Variants in SND1 observed in about 807,000 individuals in gnomAD.
SND1 encodes the protein staphylococcal nuclease and tudor domain containing 1.
Under a neutral mutation model 121.7 loss-of-function variants are expected in SND1, and 38 were observed. The observed-to-expected ratio is 0.31, with a 90% CI of 0.24 to 0.41. The LOEUF is 0.41. Among genes scored for constraint, SND1 ranks in the 10% least tolerant of loss-of-function variants. SND1 has a pLI of 1.00. For synonymous variants in SND1, 401 were observed against 447.4 expected, an observed-to-expected ratio of 0.90 and a Z score of 1.31; for missense variants, 868 against 1,184.6, an observed-to-expected ratio of 0.73 and a Z score of 3.92.
intron 1 of SND1, among the ~76,000 whole-genome samples, chr7:127,683,914 C>A (rs1795770403): frequency 6.6e-6 from 1 of 152,202 alleles, no homozygotes; most frequent in South Asian, 2.1e-4. Context: ...GTTCTGACAG[C>A]AGCCTTTAGC....
rs116000874 is a variant in SND1, at chr7:127,877,978, T to A, written c.1344-9924T>A. ...TGGAATGACTTTTTTCTCCCCGTTC[T>A]CTCTCCTCCTTCTTCTCTTTCCCCT... On this transcript the variant is annotated intron_variant, in intron 12 of 23. Coordinates refer to ENST00000354725, the MANE Select transcript of SND1 (RefSeq NM_014390.4). Among the ~76,000 whole-genome samples, 94 of 152,222 alleles carry A rather than the reference T, an allele frequency of 6.2e-4. 1 individual carries two copies. The highest frequency in any genetic ancestry group is 2.2e-3 in the African/African-American group (90 of 41,566).
chr7:127,817,668 T>C lies in SND1; in HGVS notation c.1242+10095T>C, dbSNP rs1584595175. On this transcript the variant is annotated intron_variant, in intron 11 of 23. Coordinates refer to ENST00000354725, the MANE Select transcript of SND1 (RefSeq NM_014390.4). ...GTCCACATAATATGTCACAAAGAAC[T>C]TCTCACCATTCCATGGACATGCCAA... is the stretch of plus-strand genomic sequence containing the variant. Among the ~76,000 whole-genome samples the C allele has an allele frequency of 2.6e-5, 4 of 151,922 alleles. No individual in the cohort carries two copies. In the South Asian group the frequency reaches 8.3e-4, roughly 32 times the overall value.
intron 16 of SND1, among the ~76,000 whole-genome samples, chr7:128,016,331 C>A (rs1803224493): frequency 6.6e-6 from 1 of 151,898 alleles, no homozygotes; most frequent in Admixed American, 6.6e-5. Flanking sequence ...ATATTATGGA[C>A]TTTCTATACA....
At chr7:127,825,003 A>T (rs987885676) in intron 11 of SND1, among the ~76,000 whole-genome samples, 4 of 152,244 alleles carry the variant, frequency 2.6e-5, no homozygotes, top group Admixed American at 2.6e-4. Flanking sequence ...TGGGTTGATT[A>T]CAAGCCAGCT....
intron 1 of SND1, among the ~76,000 whole-genome samples, chr7:127,653,311 C>A (rs1795154839): frequency 6.6e-6 from 1 of 152,156 alleles, no homozygotes; most frequent in Admixed American, 6.5e-5. Context: ...TTATCACTTG[C>A]CCCCAGTTGT....
At chr7:127,871,427 A>G (rs1048209672) in intron 12 of SND1, among the ~76,000 whole-genome samples, 1 of 152,166 alleles carries the variant, frequency 6.6e-6, no homozygotes, top group African/African-American at 2.4e-5. Context: ...TGAGTAATGC[A>G]TTGTGCTGCA....
At chr7:127,684,014 T>C (rs1013707256) in intron 1 of SND1, among the ~76,000 whole-genome samples, 5 of 152,186 alleles carry the variant, frequency 3.3e-5, no homozygotes, top group Admixed American at 3.3e-4. Context: ...GCCAGGATAA[T>C]AGTTGTAGAT....
At chr7:127,764,672 C>T (rs1433164664) in intron 10 of SND1, among the ~76,000 whole-genome samples, 1 of 152,148 alleles carries the variant, frequency 6.6e-6, no homozygotes, top group Non-Finnish European at 1.5e-5. Flanking sequence ...TTAAATTTCC[C>T]ATTTGCATTT....
intron 1 of SND1, among the ~76,000 whole-genome samples, chr7:127,676,715 G>A (rs564600235): frequency 1.3e-5 from 2 of 152,170 alleles, no homozygotes; most frequent in South Asian, 4.1e-4. Flanking sequence ...TCAGTGGTGA[G>A]AGAATTTCTG....
intron 15 of SND1, among the ~76,000 whole-genome samples, chr7:127,971,111 A>C (rs1366401535): frequency 1.3e-5 from 2 of 152,186 alleles, no homozygotes; most frequent in Non-Finnish European, 2.9e-5. Context: ...TCCCAGCCCC[A>C]AGCCACCCTT....
intron 12 of SND1, among the ~76,000 whole-genome samples, chr7:127,873,313 TC>T (rs1214664353): frequency 2.0e-5 from 3 of 151,874 alleles, no homozygotes; most frequent in African/African-American, 7.3e-5. Context: ...TAAGACAGAG[TC>T]CTTCCCTCTT....
chr7:127,756,179 A>G (rs76360840), intron 10 of SND1, among the ~76,000 whole-genome samples: 4,816 of 152,306 alleles, frequency 0.032, 100 homozygotes, highest in Non-Finnish European at 0.047. Context: ...AAATGTGTCT[A>G]GAGTTTGGTT....
chr7:128,026,838 A>G (rs900823600), intron 16 of SND1, among the ~76,000 whole-genome samples: 5 of 152,194 alleles, frequency 3.3e-5, no homozygotes, highest in African/African-American at 1.2e-4. Flanking sequence ...AAAGCCAGGG[A>G]CTAACACAGT....
chr7:127,706,423 AT>A (rs914649945), intron 8 of SND1, among the ~76,000 whole-genome samples: 5 of 150,450 alleles, frequency 3.3e-5, no homozygotes, highest in South Asian at 2.1e-4. Flanking sequence ...CACCTGGCTA[AT>A]TTTTTTTTGT....
At chr7:127,811,387 A>G (rs1185238209) in intron 11 of SND1, among the ~76,000 whole-genome samples, 1 of 152,228 alleles carries the variant, frequency 6.6e-6, no homozygotes, top group Non-Finnish European at 1.5e-5. Context: ...TTATAAATCC[A>G]GAATTTCCAA....
chr7:127,919,032 T>C (rs954650484), intron 14 of SND1, among the ~76,000 whole-genome samples: 1 of 152,210 alleles, frequency 6.6e-6, no homozygotes, highest in Non-Finnish European at 1.5e-5. Flanking sequence ...TGTATAATTA[T>C]CTATTTTTAT....
chr7:127,824,887 G>C (rs546125336), intron 11 of SND1, among the ~76,000 whole-genome samples: 2 of 152,138 alleles, frequency 1.3e-5, no homozygotes, highest in African/African-American at 2.4e-5. Context: ...ACCTCAGATG[G>C]TGTATTTGCC....
chr7:127,825,231 C>G (rs539606452), intron 11 of SND1, among the ~76,000 whole-genome samples: 2 of 152,268 alleles, frequency 1.3e-5, no homozygotes, highest in East Asian at 3.9e-4. Flanking sequence ...CTGCCTTAGT[C>G]TCCTGAGTAG....
intron 2 of SND1, among the ~76,000 whole-genome samples, chr7:127,688,025 G>A (rs1795846350): frequency 6.6e-6 from 1 of 152,012 alleles, no homozygotes; most frequent in African/African-American, 2.4e-5. Flanking sequence ...ACCTCTGAAG[G>A]CATATATAAA....
Sources: allele counts gnomAD v4.1 joint callset (sites outside exome capture counted in the v4.1 genomes callset), GRCh38; gene constraint gnomAD v4.1.1; transcripts MANE v1.5; gene names NCBI Gene and HGNC (gene_info 2026-07-23, HGNC 2026-07-21).